Variants in MARCHF7 observed in about 807,000 individuals in gnomAD.
The protein encoded by MARCHF7 is membrane associated ring-CH-type finger 7, also known as E3 ubiquitin-protein ligase MARCHF7.
A neutral mutation model predicts 76.5 loss-of-function variants in MARCHF7; 20 were observed. The observed-to-expected ratio is 0.26, with a 90% CI of 0.18 to 0.38. MARCHF7 has a LOEUF of 0.38. Ranked by LOEUF, MARCHF7 falls within the 10% of genes least tolerant of loss-of-function variation. The pLI, the probability that MARCHF7 is intolerant of heterozygous loss-of-function variation, is 1.00. For synonymous variants in MARCHF7, 295 were observed against 293.0 expected, an observed-to-expected ratio of 1.01 and a Z score of -0.07; for missense variants, 797 against 812.9, an observed-to-expected ratio of 0.98 and a Z score of 0.24.
In MARCHF7 at chr2:159,748,125, A is replaced by G. The variant is rs1438717057; in HGVS notation, c.835A>G (p.Thr279Ala). The change falls in exon 7 of 12, where the codon ACG (threonine) becomes GCG (alanine). Residue 279 changes from threonine (T) to alanine (A), a missense_variant. Transcript: ENST00000409175. ...ESSDNEGRRT[T>A]RRLLSRIASS... is the part of the protein sequence containing the mutation. ...TTCTGACAATGAAGGTAGGCGGACA[A>G]CGAGGAGATTGCTGTCACGCATAGC... is the stretch of plus-strand genomic sequence containing the variant. The G allele has an allele frequency of 3.1e-6, 5 of 1,613,818 alleles. No individual in the cohort carries two copies. The highest frequency in any genetic ancestry group is 2.2e-5 in the East Asian group (1 of 44,898).
In MARCHF7 at chr2:159,770,451, T is replaced by TA. The variant is rs996534701; in HGVS notation, c.*3114dup. ...GAGTGTTTTCGATTCATGTGGTCAA[T>TA]AAAAAGAGACTACACAAGCTGGAAC... On this transcript the variant is annotated 3_prime_UTR_variant, in exon 12 of 12. Transcript: ENST00000409175. 6.6e-6 allele frequency: 1 copy of TA among 152,048 alleles called. No individual in the cohort carries two copies. Among genetic ancestry groups the TA allele is most frequent in the Non-Finnish European group, 1.5e-5 (1 of 67,988 alleles). 9.4% of individuals were successfully genotyped at this position (152,048 alleles called of 1,614,324 possible).
Position 159,764,253 on chromosome 2 carries a change from T to TGC in MARCHF7, c.2008-372_2008-371insCG, listed in dbSNP as rs1220661117. Among the ~76,000 whole-genome samples, 276 of 123,470 alleles carry TGC rather than the reference T, an allele frequency of 2.2e-3. 2 individuals carry two copies. The highest frequency in any genetic ancestry group is 5.7e-3 in the African/African-American group (187 of 32,890). The allele number at this position is 123,470 out of a possible 152,430, so 81.0% of individuals were successfully genotyped here. A position where few individuals can be genotyped will look rare whatever the true frequency, so the allele number is the denominator to read the frequency against. ...GTGTGTGTGTGTGTGTGTGTGTGTG[T>TGC]GTGCGCGCGCCCACTGAAACTGAAT... is the stretch of plus-strand genomic sequence containing the variant. On this transcript the variant is annotated intron_variant, in intron 10 of 11. Transcript: ENST00000409175.
chr2:159,742,017 C>T (rs1298187013), intron 4 of MARCHF7, among the ~76,000 whole-genome samples: 1 of 151,980 alleles, frequency 6.6e-6, no homozygotes, highest in Non-Finnish European at 1.5e-5. Flanking sequence ...TCAATTAAAC[C>T]TAAATATTTA....
chr2:159,731,836 G>A (rs1702833674), intron 4 of MARCHF7, among the ~76,000 whole-genome samples: 1 of 151,986 alleles, frequency 6.6e-6, no homozygotes, highest in African/African-American at 2.4e-5. Context: ...CGGGCACAGT[G>A]GCTCACGCCT....
chr2:159,752,697 C>A, intron 8 of MARCHF7, 126 bp downstream of exon 8: 1 of 884,344 alleles, frequency 1.1e-6, no homozygotes, highest in Non-Finnish European at 1.6e-6. Context: ...TTTTTGAAGT[C>A]TCAGCAGAAG....
chr2:159,759,931 TACA>T (rs71406195), intron 9 of MARCHF7, among the ~76,000 whole-genome samples: 9,059 of 152,276 alleles, frequency 0.059, 352 homozygotes, highest in Middle Eastern at 0.14. Flanking sequence ...ACCCGGTCTC[TACA>T]AAACAGAAAA....
chr2:159,733,507 G>A lies in MARCHF7; in HGVS notation c.153+4332G>A, dbSNP rs527744689. ...CCTGCCTCACCCTCCAAAGGTGCTG[G>A]GATTACAGGCATGAGCTACTGCACC... is the stretch of plus-strand genomic sequence containing the variant. On this transcript the variant is annotated intron_variant, in intron 4 of 11. Coordinates refer to ENST00000409175, the MANE Select transcript of MARCHF7 (RefSeq NM_001282805.2). The A allele has an allele frequency of 9.7e-5, 95 of 981,688 alleles. 2 individuals are homozygous for A. The African/African-American group carries it at 1.5e-3, about 15-fold the overall frequency. 60.8% of individuals were successfully genotyped at this position (981,688 alleles called of 1,614,324 possible).
At chr2:159,723,263 T>C (rs541746577) in intron 3 of MARCHF7, among the ~76,000 whole-genome samples, 1 of 152,338 alleles carries the variant, frequency 6.6e-6, no homozygotes, top group Non-Finnish European at 1.5e-5. Context: ...ACCAAATACG[T>C]ATATAGTTTG....
At chr2:159,748,973 CTTTTCTTTTTTTTTT>C (rs1705251977) in intron 7 of MARCHF7, 70 bp downstream of exon 7, 3 of 684,706 alleles carry the variant, frequency 4.4e-6, no homozygotes, top group South Asian at 6.4e-5. Flanking sequence ...TCTTTTTTTT[CTTTTCTTTTTTTTTT>C]TTTTTTTTGA....
intron 5 of MARCHF7, among the ~76,000 whole-genome samples, chr2:159,745,044 T>G (rs912862783): frequency 1.1e-4 from 16 of 152,256 alleles, no homozygotes; most frequent in Non-Finnish European, 2.1e-4. Context: ...TGTTCACATC[T>G]TCCCTTTCCG....
intron 8 of MARCHF7, among the ~76,000 whole-genome samples, chr2:159,753,313 T>C (rs1705882864): frequency 6.6e-6 from 1 of 152,086 alleles, no homozygotes; most frequent in African/African-American, 2.4e-5. Flanking sequence ...GGCTCATGCC[T>C]GTAATCCCAG....
At chr2:159,761,271 G>A (rs1048042238) in intron 9 of MARCHF7, among the ~76,000 whole-genome samples, 9 of 150,840 alleles carry the variant, frequency 6.0e-5, no homozygotes, top group African/African-American at 9.7e-5. Context: ...TGAGCCACCC[G>A]CCTCGGCCTC....
chr2:159,718,922 G>A (rs767078497), intron 3 of MARCHF7, among the ~76,000 whole-genome samples: 3 of 152,076 alleles, frequency 2.0e-5, no homozygotes, highest in Non-Finnish European at 2.9e-5. Context: ...AAAATATACC[G>A]TCAGCCACAC....
At chr2:159,755,561 A>G (rs978643057) in intron 8 of MARCHF7, among the ~76,000 whole-genome samples, 12 of 152,316 alleles carry the variant, frequency 7.9e-5, no homozygotes, top group African/African-American at 2.9e-4. Context: ...AAGCATATAT[A>G]TAGGTATCGT....
chr2:159,759,510 T>A (rs940761202), intron 9 of MARCHF7, among the ~76,000 whole-genome samples, 175 bp downstream of exon 9: 5 of 152,198 alleles, frequency 3.3e-5, no homozygotes, highest in Non-Finnish European at 7.3e-5. Context: ...ATAATTTTTT[T>A]TTTTTTATTT....
In MARCHF7 at chr2:159,730,487, C is replaced by T. The variant is rs182637867; in HGVS notation, c.153+1312C>T. Among the ~76,000 whole-genome samples, 19 of 152,246 alleles carry T rather than the reference C, an allele frequency of 1.2e-4. No individual in the cohort carries two copies. The East Asian group carries it at 1.7e-3, about 14-fold the overall frequency. On this transcript the variant is annotated intron_variant, in intron 4 of 11. Transcript: ENST00000409175. ...CAAAACAAAACAAAAAATGAAAATG[C>T]TCATATCTACTACCCATTTCTTAAT... is the stretch of plus-strand genomic sequence containing the variant.
intron 3 of MARCHF7, among the ~76,000 whole-genome samples, chr2:159,721,462 A>G (rs1435244901): frequency 6.6e-6 from 1 of 152,222 alleles, no homozygotes; most frequent in Non-Finnish European, 1.5e-5. Flanking sequence ...AGGTGAAGAC[A>G]TACTTAACAG....
intron 4 of MARCHF7, among the ~76,000 whole-genome samples, chr2:159,742,282 G>C (rs528797563): frequency 3.6e-4 from 54 of 151,580 alleles, no homozygotes; most frequent in Admixed American, 1.5e-3. Context: ...ACTGTTACTA[G>C]TGTTGTATGA....
At chr2:159,735,265 G>A (rs140880881) in intron 4 of MARCHF7, among the ~76,000 whole-genome samples, 128 of 152,340 alleles carry the variant, frequency 8.4e-4, no homozygotes, top group Non-Finnish European at 1.5e-3. Flanking sequence ...TTCTGGGCTA[G>A]TTTCTGTTCC....
Sources: allele counts gnomAD v4.1 joint callset (sites outside exome capture counted in the v4.1 genomes callset), GRCh38; gene constraint gnomAD v4.1.1; transcripts MANE v1.5; gene names NCBI Gene and HGNC (gene_info 2026-07-23, HGNC 2026-07-21).